The following WWOX variants were observed in gnomAD, a reference collection of about 807,000 sequenced individuals.
The protein encoded by WWOX is WW domain-containing oxidoreductase.
In WWOX, 69 loss-of-function variants were observed where a neutral mutation model predicts 46.2. The ratio of observed to expected loss-of-function variants is 1.49; its 90% CI spans 1.23 to 1.82. The LOEUF is 1.82. Among genes scored for constraint, WWOX ranks in the 40% most tolerant of loss-of-function variants. The pLI, the probability that WWOX is intolerant of heterozygous loss-of-function variation, is 0.00. For synonymous variants in WWOX, 359 were observed against 202.6 expected (o/e 1.77, Z -6.56); for missense variants, 919 against 542.6 (o/e 1.69, Z -6.89).
At chr16:78,414,965 A>G (rs946090334) in intron 6 of WWOX, among the ~76,000 whole-genome samples, 1 of 152,052 alleles carries the variant, frequency 6.6e-6, no homozygotes, top group East Asian at 1.9e-4. Context: ...GTAACTTTAT[A>G]AAGAAAGTAA....
At chr16:79,133,740 T>G (rs1472754516) in intron 8 of WWOX, among the ~76,000 whole-genome samples, 4 of 152,330 alleles carry the variant, frequency 2.6e-5, no homozygotes, top group East Asian at 3.9e-4. Context: ...TGAAGAAGTT[T>G]TCCTAATGGT....
At chr16:78,697,240 A>C (rs1405805509) in intron 8 of WWOX, among the ~76,000 whole-genome samples, 1 of 152,170 alleles carries the variant, frequency 6.6e-6, no homozygotes, top group Non-Finnish European at 1.5e-5. Flanking sequence ...AACTCTCCAC[A>C]CTGTTTTCCA....
chr16:78,302,998 A>C (rs764254025), intron 5 of WWOX, among the ~76,000 whole-genome samples: 1 of 152,174 alleles, frequency 6.6e-6, no homozygotes, highest in South Asian at 2.1e-4. Context: ...AGGACCTGGG[A>C]GAACTCTCCA....
chr16:78,386,611 A>G (rs1357477180), intron 5 of WWOX, among the ~76,000 whole-genome samples: 2 of 151,470 alleles, frequency 1.3e-5, no homozygotes, highest in Non-Finnish European at 2.9e-5. Context: ...CGGCTGAAAC[A>G]CAGCACAACC....
intron 8 of WWOX, among the ~76,000 whole-genome samples, chr16:78,877,518 G>A: frequency 6.6e-6 from 1 of 152,066 alleles, no homozygotes; most frequent in Non-Finnish European, 1.5e-5. Flanking sequence ...CTATAAAATG[G>A]CAGCCTGCCT....
Position 78,667,355 on chromosome 16 carries a change from G to A in WWOX, c.1056+234603G>A, listed in dbSNP as rs118158525. Among the ~76,000 whole-genome samples the A allele has an allele frequency of 3.4e-3, 518 of 152,098 alleles. 3 individuals carry two copies. The highest frequency in any genetic ancestry group is 0.025 in the East Asian group (131 of 5,180). ...TATCTCAATATATATCTACTTTTTT[G>A]CATCCTACTTTTTTTAGAAAATTAA... On this transcript the variant is annotated intron_variant, in intron 8 of 8. Coordinates refer to ENST00000566780, the MANE Select transcript of WWOX (RefSeq NM_016373.4).
intron 8 of WWOX, among the ~76,000 whole-genome samples, chr16:78,566,547 C>A (rs888168264): frequency 6.6e-6 from 1 of 152,156 alleles, no homozygotes; most frequent in African/African-American, 2.4e-5. Flanking sequence ...CAAGGACCAA[C>A]TGAGGCTGTC....
At chr16:78,114,418 C>A (rs1035721673) in intron 3 of WWOX, among the ~76,000 whole-genome samples, 4 of 152,134 alleles carry the variant, frequency 2.6e-5, no homozygotes, top group African/African-American at 9.7e-5. Context: ...ATTTTAATAC[C>A]ATTTCTACAA....
intron 8 of WWOX, among the ~76,000 whole-genome samples, chr16:78,586,917 C>T (rs1436024679): frequency 1.3e-5 from 2 of 152,118 alleles, no homozygotes; most frequent in African/African-American, 2.4e-5. Context: ...GGAAAAATCC[C>T]TTCTCCCACT....
chr16:79,167,571 C>T (rs968830808), intron 8 of WWOX, among the ~76,000 whole-genome samples: 6 of 152,098 alleles, frequency 3.9e-5, no homozygotes, highest in Non-Finnish European at 5.9e-5. Flanking sequence ...CTCCACGCAT[C>T]GTAATTCCCA....
chr16:78,438,450 C>T (rs965737780), intron 8 of WWOX, among the ~76,000 whole-genome samples: 15 of 142,144 alleles, frequency 1.1e-4, no homozygotes, highest in African/African-American at 4.4e-4. Flanking sequence ...CCACCACCGC[C>T]AACCCCACCT....
At chr16:78,933,210 G>A (rs902524563) in intron 8 of WWOX, among the ~76,000 whole-genome samples, 7 of 152,206 alleles carry the variant, frequency 4.6e-5, no homozygotes, top group Non-Finnish European at 7.3e-5. Context: ...AGGCCAAGGC[G>A]GGTGGATCAC....
intron 8 of WWOX, among the ~76,000 whole-genome samples, chr16:78,598,754 G>A (rs1414263233): frequency 1.3e-5 from 2 of 152,176 alleles, no homozygotes; most frequent in Non-Finnish European, 2.9e-5. Flanking sequence ...AAGGTCACTG[G>A]AGGCATTTTT....
rs575662053 is a variant in WWOX at position 79,153,378 on chromosome 16, C to G, written c.1057-58230C>G. On this transcript the variant is annotated intron_variant, in intron 8 of 8. Transcript: ENST00000566780. Reference sequence around the variant, plus strand: ...GCGAAGGAATCCAAGCAGAGCCCTCCTCTGCTGTGGGTACTTACTTAGGGA... The same window carrying G: ...GCGAAGGAATCCAAGCAGAGCCCTCGTCTGCTGTGGGTACTTACTTAGGGA... 3.9e-5 allele frequency among the ~76,000 whole-genome samples: 6 copies of G among 152,258 alleles called. No individual in the cohort carries two copies. The East Asian group carries it at 9.7e-4, about 25-fold the overall frequency.
chr16:78,307,893 A>G (rs749296495), intron 5 of WWOX, among the ~76,000 whole-genome samples: 94 of 152,134 alleles, frequency 6.2e-4, no homozygotes, highest in Non-Finnish European at 8.2e-4. Context: ...AAAAAATCAC[A>G]CTCTAATTTA....
chr16:79,189,206 T>A lies in WWOX; in HGVS notation c.1057-22402T>A, dbSNP rs942365020. ...ATAATGGCATTTAATTTTGGAAAAA[T>A]TGCCTGAGCATTTGGAACAGGCATC... On this transcript the variant is annotated intron_variant, in intron 8 of 8. Transcript: ENST00000566780. Among the ~76,000 whole-genome samples the A allele has an allele frequency of 2.6e-5, 4 of 152,140 alleles. No individual in the cohort carries two copies. The East Asian group carries it at 7.7e-4, about 29-fold the overall frequency.
At chr16:78,814,069 C>G (rs930421399) in intron 8 of WWOX, among the ~76,000 whole-genome samples, 1 of 152,158 alleles carries the variant, frequency 6.6e-6, no homozygotes, top group Non-Finnish European at 1.5e-5. Context: ...CAATACTGCC[C>G]AGGCACATGG....
intron 8 of WWOX, among the ~76,000 whole-genome samples, chr16:78,558,777 C>G (rs1053846809): frequency 6.6e-6 from 1 of 152,232 alleles, no homozygotes; most frequent in African/African-American, 2.4e-5. Context: ...TTGTCACATT[C>G]TTCTGCCTAG....
At chr16:78,270,123 A>G (rs1213887185) in intron 5 of WWOX, 5 of 152,160 alleles carry the variant, frequency 3.3e-5, no homozygotes, top group Admixed American at 2.6e-4. Context: ...AAAAAAATAC[A>G]TAAATCTGCT....
Sources: gnomAD v4.1 joint callset for allele counts (sites outside exome capture counted in the v4.1 genomes callset) on GRCh38, gnomAD v4.1.1 for gene constraint, MANE v1.5 for transcripts, NCBI Gene and HGNC (gene_info 2026-07-23, HGNC 2026-07-21) for gene names.